The following MS4A5 variants were observed in gnomAD, a reference collection of about 807,000 sequenced individuals.
MS4A5 encodes membrane spanning 4-domains A5, also known as membrane-spanning 4-domains subfamily A member 5.
Under a neutral mutation model 18.2 loss-of-function variants are expected in MS4A5, and 15 were observed. That is an observed-to-expected ratio of 0.83 (90% CI 0.55 to 1.27). MS4A5 has a LOEUF of 1.27. MS4A5 is among the 50% of genes most tolerant of loss of function. The pLI is 0.00. For missense variants in MS4A5, 232 were observed against 225.7 expected, an observed-to-expected ratio of 1.03 and a Z score of -0.18; for synonymous variants, 89 against 78.7, an observed-to-expected ratio of 1.13 and a Z score of -0.69.
intron 4 of MS4A5, among the ~76,000 whole-genome samples, chr11:60,440,354 A>G (rs2086103901): frequency 7.9e-6 from 1 of 127,296 alleles, no homozygotes; most frequent in South Asian, 2.7e-4. Flanking sequence ...ACCATTCAGG[A>G]CATAGGCATG....
At chr11:60,447,009 C>G (rs970262798) in intron 4 of MS4A5, among the ~76,000 whole-genome samples, 3 of 149,446 alleles carry the variant, frequency 2.0e-5, no homozygotes, top group African/African-American at 7.7e-5. Flanking sequence ...ATATGCCTTT[C>G]TCTAAAAAGA....
At chr11:60,436,091 C>G (rs1370488028) in intron 4 of MS4A5, among the ~76,000 whole-genome samples, 1 of 152,120 alleles carries the variant, frequency 6.6e-6, no homozygotes, top group Non-Finnish European at 1.5e-5. Context: ...AACGGGCAGA[C>G]TGCCTCCTCA....
chr11:60,435,541 T>G, intron 4 of MS4A5: 1 of 369,474 alleles, frequency 2.7e-6, no homozygotes, highest in South Asian at 2.1e-5. Context: ...CACTAGGGAG[T>G]GCCAGACAGT....
In MS4A5 at chr11:60,433,091, T is replaced by C. The variant is rs17542386; in HGVS notation, c.339+624T>C. Among the ~76,000 whole-genome samples, 1,502 of 152,324 alleles carry C rather than the reference T, an allele frequency of 9.9e-3. 16 individuals carry two copies. The highest frequency in any genetic ancestry group is 0.027 in the South Asian group (132 of 4,828). On this transcript the variant is annotated intron_variant, in intron 3 of 4. Coordinates refer to ENST00000300190, the MANE Select transcript of MS4A5 (RefSeq NM_023945.3). ...TCCCAGCCAATTAATGGTAGAATTA[T>C]TTCAACATTCCAGTTACTTATTCAT... is the stretch of plus-strand genomic sequence containing the variant.
At chr11:60,431,733 G>A (rs927158964) in intron 2 of MS4A5, among the ~76,000 whole-genome samples, 1 of 152,198 alleles carries the variant, frequency 6.6e-6, no homozygotes, top group African/African-American at 2.4e-5. Flanking sequence ...CAAGTGTAAG[G>A]ATTAGGGATG....
intron 4 of MS4A5, among the ~76,000 whole-genome samples, chr11:60,436,586 T>C (rs1468605674): frequency 1.5e-5 from 2 of 134,088 alleles, no homozygotes; most frequent in Non-Finnish European, 3.4e-5. Flanking sequence ...AAGGAGCTGA[T>C]GGAGCTGAAA....
In MS4A5 at chr11:60,430,802, CA is replaced by C; in HGVS notation, c.161del (p.Gln54ArgfsTer7). The C allele has an allele frequency of 6.2e-7, 1 of 1,612,730 alleles. No homozygotes were observed. Among genetic ancestry groups the C allele is most frequent in the Non-Finnish European group, 8.5e-7 (1 of 1,179,844 alleles). On this transcript the variant is annotated frameshift_variant, in exon 2 of 5. Transcript: ENST00000300190. LOFTEE classifies it high-confidence loss of function. ...ARKMKILGTI[Q>X]ILFGIMTFSF... The stretch of plus-strand genomic sequence containing the variant: ...CTTTTTCCTCTATTTGCAGACTATC[CA>C]GATCCTGTTTGGAATTATGACCTTT...
intron 4 of MS4A5, among the ~76,000 whole-genome samples, chr11:60,446,225 T>C (rs1317484736): frequency 6.6e-6 from 1 of 152,170 alleles, no homozygotes; most frequent in South Asian, 2.1e-4. Context: ...CTTCAATCTA[T>C]AGTTAAAATA....
At chr11:60,432,260 G>A (rs2086052953) in intron 2 of MS4A5, 151 bp from the exon 3 acceptor site, 1 of 461,044 alleles carries the variant, frequency 2.2e-6, no homozygotes, top group South Asian at 4.4e-5. Flanking sequence ...TTTGTGGAAA[G>A]TCATATAAAG....
At chr11:60,447,611 A>G (rs1308928082) in intron 4 of MS4A5, 38 bp from the exon 5 acceptor site, 3 of 1,190,102 alleles carry the variant, frequency 2.5e-6, no homozygotes, top group Non-Finnish European at 3.6e-6. Context: ...TGCCAACATC[A>G]TGACTCTTCA....
At chr11:60,431,936 A>G (rs1184386910) in intron 2 of MS4A5, among the ~76,000 whole-genome samples, 2 of 151,824 alleles carry the variant, frequency 1.3e-5, no homozygotes, top group Non-Finnish European at 2.9e-5. Flanking sequence ...CTAGACAACA[A>G]TGCTACCACG....
At position 60,429,628 on chromosome 11, in the gene MS4A5, G is replaced by A. The variant is rs200025172; in HGVS notation, c.-47G>A. 5.7e-6 allele frequency: 9 copies of A among 1,572,752 alleles called. No homozygotes were observed. The highest frequency in any genetic ancestry group is 7.7e-6 in the Non-Finnish European group (9 of 1,161,316). The stretch of plus-strand genomic sequence containing the variant: ...ACAAGAAAAGAACATGGTCTAGACT[G>A]AAGTACCAACTAAATCATCTCCTTT... On this transcript the variant is annotated 5_prime_UTR_variant, in exon 1 of 5. Coordinates refer to ENST00000300190, the MANE Select transcript of MS4A5 (RefSeq NM_023945.3).
intron 4 of MS4A5, among the ~76,000 whole-genome samples, chr11:60,446,799 T>C (rs185001709): frequency 1.3e-5 from 2 of 152,166 alleles, no homozygotes; most frequent in East Asian, 3.9e-4. Flanking sequence ...GCTTCTTATG[T>C]CTCTTTCGCT....
At position 60,443,383 on chromosome 11, in the gene MS4A5, C is replaced by T. The variant is rs180860677; in HGVS notation, c.493-4266C>T. Among the ~76,000 whole-genome samples the T allele has an allele frequency of 4.0e-5, 6 of 150,662 alleles. No individual in the cohort carries two copies. In the East Asian group the frequency reaches 7.7e-4, roughly 19 times the overall value. On this transcript the variant is annotated intron_variant, in intron 4 of 4. Coordinates refer to ENST00000300190, the MANE Select transcript of MS4A5 (RefSeq NM_023945.3). Reference sequence around the variant, plus strand: ...AACTGTTTTGAAATTCTAAGTTATACAAGGCTCAAAGAATTTACAACAGAC... The same window carrying T: ...AACTGTTTTGAAATTCTAAGTTATATAAGGCTCAAAGAATTTACAACAGAC...
chr11:60,433,442 A>G (rs1056014189), intron 3 of MS4A5, among the ~76,000 whole-genome samples: 1 of 152,234 alleles, frequency 6.6e-6, no homozygotes, highest in African/African-American at 2.4e-5. Flanking sequence ...TCTTAAAATA[A>G]AAATGTAAAC....
intron 4 of MS4A5, 104 bp downstream of exon 4, chr11:60,434,021 T>C (rs2086065646): frequency 1.0e-6 from 1 of 992,680 alleles, no homozygotes; most frequent in African/African-American, 1.6e-5. Flanking sequence ...CACATGTATT[T>C]TCTTTTACTG....
chr11:60,432,508 C>A (rs1470996782), intron 3 of MS4A5, 41 bp downstream of exon 3: 2 of 1,327,980 alleles, frequency 1.5e-6, no homozygotes, highest in Non-Finnish European at 2.1e-6. Flanking sequence ...TATTTTGTAG[C>A]CAGTCATGGT....
Position 60,429,635 on chromosome 11 carries a change from C to A in MS4A5, c.-40C>A. On this transcript the variant is annotated 5_prime_UTR_variant, in exon 1 of 5. Transcript: ENST00000300190. ...AAGAACATGGTCTAGACTGAAGTAC[C>A]AACTAAATCATCTCCTTTCAAATTA... The A allele has an allele frequency of 6.3e-7, 1 of 1,582,224 alleles. No individual in the cohort carries two copies. Among genetic ancestry groups the A allele is most frequent in the South Asian group, 1.2e-5 (1 of 85,070 alleles).
Position 60,429,633 on chromosome 11 carries a change from A to G in MS4A5, c.-42A>G. 1 of 1,580,232 alleles carries G rather than the reference A, an allele frequency of 6.3e-7. No individual in the cohort carries two copies. The highest frequency in any genetic ancestry group is 8.6e-7 in the Non-Finnish European group (1 of 1,165,642). On this transcript the variant is annotated 5_prime_UTR_variant, in exon 1 of 5. Coordinates refer to ENST00000300190, the MANE Select transcript of MS4A5 (RefSeq NM_023945.3). ...AAAAGAACATGGTCTAGACTGAAGTACCAACTAAATCATCTCCTTTCAAAT... is the reference window on the plus strand; with the variant it reads ...AAAAGAACATGGTCTAGACTGAAGTGCCAACTAAATCATCTCCTTTCAAAT...
Sources: allele counts gnomAD v4.1 joint callset (sites outside exome capture counted in the v4.1 genomes callset), GRCh38; gene constraint gnomAD v4.1.1; transcripts MANE v1.5; gene names NCBI Gene and HGNC (gene_info 2026-07-23, HGNC 2026-07-21).